The following SLC24A4 variants were observed in gnomAD, a reference collection of about 807,000 sequenced individuals.
SLC24A4 encodes the protein solute carrier family 24 member 4.
In SLC24A4, 53 loss-of-function variants were observed where a neutral mutation model predicts 79.0. That is an observed-to-expected ratio of 0.67 (90% CI 0.54 to 0.84). The LOEUF (loss-of-function observed/expected upper bound fraction) is 0.84, where lower values mean the gene tolerates loss of function less well. SLC24A4 is among the 40% of genes least tolerant of loss of function. SLC24A4 has a pLI of 0.00. For missense variants in SLC24A4, 731 were observed against 822.0 expected (o/e 0.89, Z 1.35); for synonymous variants, 323 against 323.8 (o/e 1.00, Z 0.03).
At chr14:92,444,074 A>G (rs929466708) in intron 7 of SLC24A4, among the ~76,000 whole-genome samples, 1 of 151,986 alleles carries the variant, frequency 6.6e-6, no homozygotes, top group Non-Finnish European at 1.5e-5. Flanking sequence ...GGGAAGCATG[A>G]ATGTCACGCA....
rs1276483557 is a variant in SLC24A4 at position 92,493,643 on chromosome 14, CCCTG to C, written c.*16_*19del. On this transcript the variant is annotated 3_prime_UTR_variant, in exon 17 of 17. Coordinates refer to ENST00000532405, the MANE Select transcript of SLC24A4 (RefSeq NM_153646.4). ...AAGACGATTAGCGCTGAGTCGCGGC[CCCTG>C]GGAGCTGATCTGGACACCCTGTGAC... 1.9e-6 allele frequency: 3 copies of C among 1,613,336 alleles called. No individual in the cohort carries two copies. Among genetic ancestry groups the C allele is most frequent in the African/African-American group, 1.3e-5 (1 of 74,938 alleles).
intron 2 of SLC24A4, among the ~76,000 whole-genome samples, chr14:92,432,754 C>T (rs928724441): frequency 1.3e-5 from 2 of 152,176 alleles, no homozygotes; most frequent in African/African-American, 2.4e-5. Context: ...TTTTCTGTGG[C>T]TTGCCGAGAG....
In SLC24A4 at chr14:92,440,795, A is replaced by G. The variant is rs556841223; in HGVS notation, c.394-1294A>G. On this transcript the variant is annotated intron_variant, in intron 4 of 16. Transcript: ENST00000532405. ...TGGGGGAGAAATCTGGGAAGGCTTCATGGAGGAGGTGGCATTGGGTCCAGG... is the reference window on the plus strand; with the variant it reads ...TGGGGGAGAAATCTGGGAAGGCTTCGTGGAGGAGGTGGCATTGGGTCCAGG... Among the ~76,000 whole-genome samples, 16 of 151,836 alleles carry G rather than the reference A, an allele frequency of 1.1e-4. No individual in the cohort carries two copies. In the East Asian group the frequency reaches 2.7e-3, roughly 26 times the overall value.
intron 16 of SLC24A4, 35 bp from the exon 17 acceptor site, chr14:92,493,441 C>T (rs2139952293): frequency 6.2e-7 from 1 of 1,610,310 alleles, no homozygotes; most frequent in South Asian, 1.1e-5. Flanking sequence ...ATTTCTTTGC[C>T]CTGCAAGCCC....
intron 2 of SLC24A4, among the ~76,000 whole-genome samples, chr14:92,387,383 A>G (rs7143233): frequency 0.36 from 54,119 of 151,516 alleles, 11,247 homozygotes; most frequent in African/African-American, 0.59. Flanking sequence ...TGCCATGTTG[A>G]CTAGGCTGAC....
At chr14:92,389,720 G>A (rs1889361988) in intron 2 of SLC24A4, among the ~76,000 whole-genome samples, 1 of 152,218 alleles carries the variant, frequency 6.6e-6, no homozygotes, top group Non-Finnish European at 1.5e-5. Flanking sequence ...TGCTAAGCCA[G>A]TGCACTTTCC....
chr14:92,486,495 G>C (rs979495045), intron 13 of SLC24A4, among the ~76,000 whole-genome samples, 171 bp from the exon 14 acceptor site: 3 of 152,134 alleles, frequency 2.0e-5, no homozygotes, highest in South Asian at 2.1e-4. Context: ...TCTTAGCCTC[G>C]TAGTTCAGTG....
At chr14:92,385,405 G>T (rs56256044) in intron 2 of SLC24A4, among the ~76,000 whole-genome samples, 10,117 of 151,688 alleles carry the variant, frequency 0.067, 489 homozygotes, top group Non-Finnish European at 0.097. Flanking sequence ...GCTGAGGCAG[G>T]AGAATCGCTT....
intron 11 of SLC24A4, among the ~76,000 whole-genome samples, chr14:92,454,640 C>G (rs1893353100): frequency 6.6e-6 from 1 of 152,204 alleles, no homozygotes; most frequent in Non-Finnish European, 1.5e-5. Flanking sequence ...TAAGTCCTTA[C>G]TCTGAGAAGC....
chr14:92,399,097 G>A (rs1264842040), intron 2 of SLC24A4, among the ~76,000 whole-genome samples: 1 of 152,108 alleles, frequency 6.6e-6, no homozygotes, highest in Non-Finnish European at 1.5e-5. Context: ...CAGTACCTGG[G>A]GAGAGCCCTG....
chr14:92,431,712 G>T (rs933131728), intron 2 of SLC24A4, among the ~76,000 whole-genome samples: 2 of 152,188 alleles, frequency 1.3e-5, no homozygotes, highest in Non-Finnish European at 1.5e-5. Flanking sequence ...CCCCCAGCAT[G>T]CACACAGGGG....
At chr14:92,380,226 C>T (rs1036209333) in intron 2 of SLC24A4, among the ~76,000 whole-genome samples, 1 of 152,186 alleles carries the variant, frequency 6.6e-6, no homozygotes, top group African/African-American at 2.4e-5. Flanking sequence ...ACCCACGTTC[C>T]CTTGGAGCCC....
intron 2 of SLC24A4, among the ~76,000 whole-genome samples, chr14:92,332,494 T>C (rs1280585726): frequency 6.6e-6 from 1 of 152,156 alleles, no homozygotes; most frequent in African/African-American, 2.4e-5. Context: ...AGGGAGACCC[T>C]GTCTCTCAAA....
At chr14:92,465,603 G>A (rs956971662) in intron 12 of SLC24A4, among the ~76,000 whole-genome samples, 1 of 152,302 alleles carries the variant, frequency 6.6e-6, no homozygotes, top group Non-Finnish European at 1.5e-5. Context: ...TTGACTGACA[G>A]AGCCTGGTCT....
intron 2 of SLC24A4, among the ~76,000 whole-genome samples, chr14:92,369,465 G>T (rs367886348): frequency 2.4e-4 from 37 of 152,252 alleles, no homozygotes; most frequent in African/African-American, 7.9e-4. Flanking sequence ...GAAAAAGGTT[G>T]GATCGACTCT....
chr14:92,470,376 A>G (rs1894372660), intron 12 of SLC24A4, among the ~76,000 whole-genome samples: 1 of 152,196 alleles, frequency 6.6e-6, no homozygotes, highest in Non-Finnish European at 1.5e-5. Context: ...CATCCCTGCA[A>G]ACCACAGGTT....
intron 2 of SLC24A4, among the ~76,000 whole-genome samples, chr14:92,408,757 T>G (rs1001111702): frequency 2.6e-5 from 4 of 152,242 alleles, no homozygotes; most frequent in Non-Finnish European, 4.4e-5. Flanking sequence ...TGTTTTACTT[T>G]CTCCATTGTT....
rs181171339 is a variant in SLC24A4, at chr14:92,499,411, A to C, written c.*5783A>C. The C allele has an allele frequency of 2.6e-5, 4 of 152,274 alleles. No homozygotes were observed. The East Asian group carries it at 7.7e-4, about 29-fold the overall frequency. 9.4% of individuals were successfully genotyped at this position (152,274 alleles called of 1,614,324 possible). The stretch of plus-strand genomic sequence containing the variant: ...AAGCCCTTGGCTGTGTGGCTTTTCT[A>C]TCCCTTGGATTTACAGGTCTGGGAA... On this transcript the variant is annotated 3_prime_UTR_variant, in exon 17 of 17. Transcript: ENST00000532405.
intron 2 of SLC24A4, among the ~76,000 whole-genome samples, chr14:92,430,143 C>A (rs1595267467): frequency 6.6e-6 from 1 of 152,320 alleles, no homozygotes; most frequent in African/African-American, 2.4e-5. Flanking sequence ...AACCTTCCAC[C>A]TTCTGAGTAA....
Sources: allele counts gnomAD v4.1 joint callset (sites outside exome capture counted in the v4.1 genomes callset), GRCh38; gene constraint gnomAD v4.1.1; transcripts MANE v1.5; gene names NCBI Gene and HGNC (gene_info 2026-07-23, HGNC 2026-07-21).